The following AQP5 variants were observed in gnomAD, a reference collection of about 807,000 sequenced individuals.
The protein encoded by AQP5 is aquaporin 5.
AQP5 carries 15 observed loss-of-function variants against 19.1 expected under a neutral mutation model. The observed-to-expected ratio is 0.79, with a 90% CI of 0.53 to 1.21. AQP5 has a LOEUF of 1.21. Ranked by LOEUF, AQP5 falls within the 50% of genes most tolerant of loss-of-function variation. The pLI is 0.00. For missense variants in AQP5, 355 were observed against 357.1 expected, an observed-to-expected ratio of 0.99 and a Z score of 0.05; for synonymous variants, 182 against 160.3, an observed-to-expected ratio of 1.14 and a Z score of -1.02.
chr12:49,964,315 G>A (rs1336680823), intron 3 of AQP5, 140 bp downstream of exon 3: 8 of 896,934 alleles, frequency 8.9e-6, no homozygotes, highest in East Asian at 2.6e-5. Context: ...CAGAGAAAGG[G>A]ACACAGTAGG....
rs138665659 is a variant in AQP5 at position 49,962,064 on chromosome 12, C to T, written c.47C>T (p.Ala16Val). The change falls in exon 1 of 4, where the codon GCA becomes GTA. Residue 16 changes from alanine to valine, a missense_variant. By Grantham distance (64) the Ala-to-Val change is moderately conservative. Transcript: ENST00000293599. Reference sequence around the variant, plus strand: ...GTGGCCTTCCTCAAGGCCGTGTTCGCAGAGTTCTTGGCCACCCTCATCTTC... The same window carrying T: ...GTGGCCTTCCTCAAGGCCGTGTTCGTAGAGTTCTTGGCCACCCTCATCTTC... Reference protein sequence around the residue: ...CSVAFLKAVFAEFLATLIFVF... With the variant: ...CSVAFLKAVFVEFLATLIFVF... The T allele has an allele frequency of 4.4e-6, 7 of 1,608,624 alleles. No homozygotes were observed. In the African/African-American group the frequency reaches 6.7e-5, roughly 15 times the overall value.
Position 49,962,383 on chromosome 12 carries a change from G to A in AQP5, c.363+3G>A. 1.4e-6 allele frequency: 2 copies of A among 1,473,674 alleles called. No individual in the cohort carries two copies. The highest frequency in any genetic ancestry group is 1.8e-6 in the Non-Finnish European group (2 of 1,117,620). 91.3% of individuals were successfully genotyped at this position (1,473,674 alleles called of 1,614,324 possible). ...GGGGCAATCTGGCCGTCAACGCGGTGAGTGCCCTGGGGGGGGGGTGGGAGC... is the reference window on the plus strand; with the variant it reads ...GGGGCAATCTGGCCGTCAACGCGGTAAGTGCCCTGGGGGGGGGGTGGGAGC... On this transcript the variant is annotated splice_donor_region_variant and intron_variant, in intron 1 of 3. Transcript: ENST00000293599.
chr12:49,965,103 A>T lies in AQP5; in HGVS notation c.724A>T (p.Thr242Ser). The part of the protein sequence containing the change: ...LSERVAIIKG[T>S]YEPDEDWEEQ... Reference sequence around the variant, plus strand: ...TGAGCGTGTGGCCATCATCAAAGGCACGTATGAGCCTGACGAGGACTGGGA... The same window carrying T: ...TGAGCGTGTGGCCATCATCAAAGGCTCGTATGAGCCTGACGAGGACTGGGA... Residue 242 changes from threonine (T) to serine (S), a missense_variant, in exon 4 of 4, where the codon ACG becomes TCG. Physicochemically the swap from Thr to Ser is moderately conservative, Grantham distance 58. Transcript: ENST00000293599. 6.2e-7 allele frequency: 1 copy of T among 1,614,022 alleles called. No homozygotes were observed.
intron 1 of AQP5, 98 bp downstream of exon 1, chr12:49,962,478 G>A: frequency 1.4e-6 from 2 of 1,444,576 alleles, no homozygotes; most frequent in Non-Finnish European, 1.8e-6. Context: ...CGCAGAGTGG[G>A]CCAGCCCACA....
rs959007616 is a variant in AQP5, at chr12:49,965,276, T to C, written c.*99T>C. 2.4e-5 allele frequency: 32 copies of C among 1,358,584 alleles called. No individual in the cohort carries two copies. Among genetic ancestry groups the C allele is most frequent in the Non-Finnish European group, 3.1e-5 (32 of 1,029,232 alleles). 84.2% of individuals were successfully genotyped at this position (1,358,584 alleles called of 1,614,324 possible). ...CTTCCTTTTTGCACAACCGGTCCTC[T>C]TGGCTGAGGAGGAGGAGCTGGTCAC... On this transcript the variant is annotated 3_prime_UTR_variant, in exon 4 of 4. Coordinates refer to ENST00000293599, the MANE Select transcript of AQP5 (RefSeq NM_001651.4).
chr12:49,962,131 G>A lies in AQP5; in HGVS notation c.114G>A (p.Ala38=), dbSNP rs757123322. ...GCTCGGCCCTCAAGTGGCCGTCGGC[G>A]CTGCCTACCATCCTGCAGATCGCGC... ...GLGSALKWPS[A]LPTILQIALA... Residue 38 remains alanine (A), a synonymous_variant, in exon 1 of 4, where the codon GCG becomes GCA. Transcript: ENST00000293599. 14 of 1,613,216 alleles carry A rather than the reference G, an allele frequency of 8.7e-6. No individual in the cohort carries two copies. In the South Asian group the frequency reaches 1.3e-4, roughly 15 times the overall value.
Position 49,965,045 on chromosome 12 carries a change from C to T in AQP5, c.666C>T (p.Phe222=), listed in dbSNP as rs1331624272. The T allele has an allele frequency of 6.2e-7, 1 of 1,614,060 alleles. No homozygotes were observed. Among genetic ancestry groups the T allele is most frequent in the Admixed American group, 1.7e-5 (1 of 60,014 alleles). The stretch of plus-strand genomic sequence containing the variant: ...CGGTCCTGGCTGCCATCCTTTACTT[C>T]TACCTGCTCTTCCCCAACTCCCTGA... The part of the protein sequence containing the change: ...VGAVLAAILY[F]YLLFPNSLSL... Residue 222 remains phenylalanine, a synonymous_variant, in exon 4 of 4, where the codon TTC becomes TTT. Transcript: ENST00000293599.
Position 49,964,980 on chromosome 12 carries a change from T to C in AQP5, c.613-12T>C, listed in dbSNP as rs142516089. The stretch of plus-strand genomic sequence containing the variant: ...GGGCTCAGCGCCCTGACTCCTGCCC[T>C]GTCTCCACCAGGTTTTCTGGGTAGG... On this transcript the variant is annotated splice_polypyrimidine_tract_variant and intron_variant, in intron 3 of 3. Coordinates refer to ENST00000293599, the MANE Select transcript of AQP5 (RefSeq NM_001651.4). 6 of 1,609,916 alleles carry C rather than the reference T, an allele frequency of 3.7e-6. No individual in the cohort carries two copies. In the African/African-American group the frequency reaches 8.0e-5, roughly 22 times the overall value.
At position 49,962,830 on chromosome 12, in the gene AQP5, TG is replaced by T. The variant is rs113395644; in HGVS notation, c.363+451del. On this transcript the variant is annotated intron_variant, in intron 1 of 3. Transcript: ENST00000293599. ...GCGCCTCCATGGGGATGGTTGTGTC[TG>T]CCACAGCAGGTGTCAAGGGGCTCAC... 245 of 168,052 alleles carry T rather than the reference TG, an allele frequency of 1.5e-3. 1 individual carries two copies. Among genetic ancestry groups the T allele is most frequent in the African/African-American group, 5.5e-3 (231 of 42,098 alleles). 10.4% of individuals were successfully genotyped at this position (168,052 alleles called of 1,614,324 possible).
chr12:49,964,794 G>C (rs1278237661), intron 3 of AQP5, 198 bp from the exon 4 acceptor site: 9 of 985,254 alleles, frequency 9.1e-6, no homozygotes, highest in Non-Finnish European at 1.1e-5. Context: ...GGTGTCTGTG[G>C]TCCATGTCTC....
chr12:49,963,764 TA>T, intron 2 of AQP5, 108 bp downstream of exon 2: 3 of 1,400,770 alleles, frequency 2.1e-6, no homozygotes, highest in South Asian at 2.8e-5. Context: ...CAGCAGAGTT[TA>T]AGGCCTGGAT....
In AQP5 at chr12:49,965,018, G is replaced by A. The variant is rs1295011942; in HGVS notation, c.639G>A (p.Gly213=). 2 of 1,613,792 alleles carry A rather than the reference G, an allele frequency of 1.2e-6. No individual in the cohort carries two copies. The highest frequency in any genetic ancestry group is 1.7e-6 in the Non-Finnish European group (2 of 1,179,950). ...HWVFWVGPIV[G]AVLAAILYFY... Reference sequence around the variant, plus strand: ...TTTTCTGGGTAGGGCCCATCGTGGGGGCGGTCCTGGCTGCCATCCTTTACT... The same window carrying A: ...TTTTCTGGGTAGGGCCCATCGTGGGAGCGGTCCTGGCTGCCATCCTTTACT... The change falls in exon 4 of 4, where the codon GGG becomes GGA. Residue 213 remains glycine, a synonymous_variant. Transcript: ENST00000293599.
At chr12:49,962,495 A>ACCAGGACGGCAAGAGCCTCCCAAGG (rs1947438902) in intron 1 of AQP5, 115 bp downstream of exon 1, 2 of 1,014,626 alleles carry the variant, frequency 2.0e-6, no homozygotes, top group Non-Finnish European at 2.7e-6. Context: ...CACACCCTTC[A>ACCAGGACGGCAAGAGCCTCCCAAGG]CCAGGAAGGC....
At chr12:49,964,284 G>A in intron 3 of AQP5, 109 bp downstream of exon 3, 2 of 1,187,264 alleles carry the variant, frequency 1.7e-6, no homozygotes, top group Non-Finnish European at 2.5e-6. Flanking sequence ...GCTTGGGGGT[G>A]GGCCACGGAG....
rs146264266 is a variant in AQP5 at position 49,964,404 on chromosome 12, C to T, written c.612+229C>T. ...GGGACAGGGAGTCTGAGTATCTATC[C>T]GCTTATGGAAGAGGCTCTACTGAAC... On this transcript the variant is annotated intron_variant, in intron 3 of 3. Coordinates refer to ENST00000293599, the MANE Select transcript of AQP5 (RefSeq NM_001651.4). Among the ~76,000 whole-genome samples the T allele has an allele frequency of 7.0e-3, 1,059 of 152,148 alleles. 13 individuals carry two copies. The highest frequency in any genetic ancestry group is 0.022 in the African/African-American group (902 of 41,480).
chr12:49,964,777 G>A, intron 3 of AQP5: 1 of 985,416 alleles, frequency 1.0e-6, no homozygotes, highest in Non-Finnish European at 1.2e-6. Context: ...CCTTCTTTGA[G>A]GGTCTAGGTG....
Position 49,965,085 on chromosome 12 carries a change from G to C in AQP5, c.706G>C (p.Val236Leu). The change falls in exon 4 of 4, where the codon GTG becomes CTG. Residue 236 changes from valine to leucine, a missense_variant. By Grantham distance (32) the Val-to-Leu change is conservative (BLOSUM62 1). Coordinates refer to ENST00000293599, the MANE Select transcript of AQP5 (RefSeq NM_001651.4). ...FPNSLSLSER[V>L]AIIKGTYEPD... ...CAACTCCCTGAGCCTGAGTGAGCGT[G>C]TGGCCATCATCAAAGGCACGTATGA... 5 of 1,614,082 alleles carry C rather than the reference G, an allele frequency of 3.1e-6. No individual in the cohort carries two copies. Among genetic ancestry groups the C allele is most frequent in the Non-Finnish European group, 4.2e-6 (5 of 1,180,014 alleles).
In AQP5 at chr12:49,963,613, C is replaced by A; in HGVS notation, c.485C>A (p.Ala162Asp). 6.8e-6 allele frequency: 11 copies of A among 1,613,868 alleles called. No homozygotes were observed. Among genetic ancestry groups the A allele is most frequent in the Non-Finnish European group, 9.3e-6 (11 of 1,180,020 alleles). Residue 162 changes from alanine (A) to aspartate (D), a missense_variant, in exon 2 of 4, where the codon GCC becomes GAC. Coordinates refer to ENST00000293599, the MANE Select transcript of AQP5 (RefSeq NM_001651.4). ...SRRTSPVGSP[A>D]LSIGLSVTLG... Reference sequence around the variant, plus strand: ...CGCACCAGCCCTGTGGGCTCCCCAGCCCTGTCCATTGGCCTGTCTGTCACC... The same window carrying A: ...CGCACCAGCCCTGTGGGCTCCCCAGACCTGTCCATTGGCCTGTCTGTCACC...
chr12:49,964,235 A>C, intron 3 of AQP5, 60 bp downstream of exon 3: 1 of 1,531,914 alleles, frequency 6.5e-7, no homozygotes, highest in Non-Finnish European at 9.0e-7. Flanking sequence ...CAGCAGTGGC[A>C]GCTCAGAGCT....
Sources: gnomAD v4.1 joint callset for allele counts (sites outside exome capture counted in the v4.1 genomes callset) on GRCh38, gnomAD v4.1.1 for gene constraint, MANE v1.5 for transcripts, NCBI Gene and HGNC (gene_info 2026-07-23, HGNC 2026-07-21) for gene names.